PEG3: variants seen among roughly 807,000 people sequenced by gnomAD.
PEG3 encodes the protein paternally-expressed gene 3 protein.
In PEG3, 23 loss-of-function variants were observed where a neutral mutation model predicts 35.5. The observed-to-expected ratio is 0.65, with a 90% CI of 0.47 to 0.92. PEG3 has a LOEUF of 0.92. Ranked by LOEUF, PEG3 falls within the 40% of genes least tolerant of loss-of-function variation. The pLI, the probability that PEG3 is intolerant of heterozygous loss-of-function variation, is 0.00. For missense variants in PEG3, 1,960 were observed against 1,985.3 expected, an observed-to-expected ratio of 0.99 and a Z score of 0.24; for synonymous variants, 707 against 697.0, an observed-to-expected ratio of 1.01 and a Z score of -0.23.
chr19:56,816,342 G>A lies in PEG3; in HGVS notation c.2100C>T (p.Leu700=). 1 of 1,614,166 alleles carries A rather than the reference G, an allele frequency of 6.2e-7. No homozygotes were observed. The highest frequency in any genetic ancestry group is 8.5e-7 in the Non-Finnish European group (1 of 1,180,018). The change falls in exon 10 of 10, where the codon CTC becomes CTT. Residue 700 remains leucine, a synonymous_variant. Transcript: ENST00000326441. ...GAGAATGAATTTTCTGATGCTCACTGAGCTCTGAGCTTTGCATGAAGGCAT... is the reference window on the plus strand; with the variant it reads ...GAGAATGAATTTTCTGATGCTCACTAAGCTCTGAGCTTTGCATGAAGGCAT... ...GRDAFMQSSE[L]SEHQKIHSRK...
At chr19:56,833,249 A>G (rs942854314) in intron 2 of PEG3, 1 of 482,914 alleles carries the variant, frequency 2.1e-6, no homozygotes, top group Admixed American at 2.2e-5. Flanking sequence ...GTCCCTCACC[A>G]TGGTGCACCT....
chr19:56,818,469 T>G, intron 8 of PEG3, 131 bp downstream of exon 8: 1 of 996,916 alleles, frequency 1.0e-6, no homozygotes, highest in Middle Eastern at 2.9e-4. Flanking sequence ...TTGAAATCTT[T>G]CAAAGATTTC....
rs2060716340 is a variant in PEG3 at position 56,823,603 on chromosome 19, G to C, written c.471C>G (p.Val157=). The C allele has an allele frequency of 2.5e-6, 4 of 1,613,986 alleles. No homozygotes were observed. In the African/African-American group the frequency reaches 4.0e-5, roughly 16 times the overall value. The change falls in exon 5 of 10, where the codon GTC becomes GTG. Residue 157 remains valine, a synonymous_variant. Transcript: ENST00000326441. ...ATGGGTACTCACCACTGAAAGAATG[G>C]ACTGAGTGAGGTGGTGAGGACTCTC... ...NRRESSPPHS[V]HSFSDRDWDR...
rs375862400 is a variant in PEG3, at chr19:56,817,565, G to T, written c.877C>A (p.Pro293Thr). 6 of 1,591,152 alleles carry T rather than the reference G, an allele frequency of 3.8e-6. No homozygotes were observed. The East Asian group carries it at 1.3e-4, about 36-fold the overall frequency. Residue 293 changes from proline (P) to threonine (T), a missense_variant, in exon 10 of 10, where the codon CCT becomes ACT. Physicochemically the swap from Pro to Thr is conservative, Grantham distance 38. Around this residue, in one of 5 missense-constraint regions of PEG3, gnomAD observed 613 missense variants for 577.1 expected, o/e 1.06. Transcript: ENST00000326441. ...CGGTGGGTTGATTTTTTGGCTTCAG[G>T]CATAGTTTTTAGACCTGGAAAGAAA... Reference protein sequence around the residue: ...PSTSRGLKTMPEAKKSTHRRG... With the variant: ...PSTSRGLKTMTEAKKSTHRRG...
intron 8 of PEG3, among the ~76,000 whole-genome samples, chr19:56,818,345 T>C (rs1421776133): frequency 6.6e-6 from 1 of 152,176 alleles, no homozygotes; most frequent in Non-Finnish European, 1.5e-5. Flanking sequence ...GAAAAAAGTA[T>C]CAACTCTTGT....
In PEG3 at chr19:56,811,177, C is replaced by T. The variant is rs1466280274; in HGVS notation, c.*2498G>A. ...ATTATGTTCACAATGAAAATGTGAT[C>T]ATAAACTTTTTAGTAACACTACCAT... On this transcript the variant is annotated 3_prime_UTR_variant, in exon 10 of 10. Coordinates refer to ENST00000326441, the MANE Select transcript of PEG3 (RefSeq NM_006210.3). 1 of 976,442 alleles carries T rather than the reference C, an allele frequency of 1.0e-6. No individual in the cohort carries two copies. Among genetic ancestry groups the T allele is most frequent in the East Asian group, 1.1e-4 (1 of 8,770 alleles). 60.5% of individuals were successfully genotyped at this position (976,442 alleles called of 1,614,324 possible).
chr19:56,837,770 C>T (rs532830147), intron 1 of PEG3, among the ~76,000 whole-genome samples: 1 of 152,374 alleles, frequency 6.6e-6, no homozygotes, highest in African/African-American at 2.4e-5. Context: ...CCCCTCAGCC[C>T]CCTCCAACAG....
At chr19:56,838,845 C>A (rs951597705) in intron 1 of PEG3, among the ~76,000 whole-genome samples, 2 of 152,192 alleles carry the variant, frequency 1.3e-5, no homozygotes, top group African/African-American at 4.8e-5. Flanking sequence ...GCAACCGTGG[C>A]CCCGCCCCTC....
Position 56,816,587 on chromosome 19 carries a change from T to C in PEG3, c.1855A>G (p.Lys619Glu), listed in dbSNP as rs761610125. 12 of 1,613,914 alleles carry C rather than the reference T, an allele frequency of 7.4e-6. No homozygotes were observed. In the South Asian group the frequency reaches 1.3e-4, roughly 18 times the overall value. ...TACATTTTCTCTTTACCATACATTTTCTGAAACTCATTAAGGGCTGGGCTG... is the reference window on the plus strand; with the variant it reads ...TACATTTTCTCTTTACCATACATTTCCTGAAACTCATTAAGGGCTGGGCTG... The part of the protein sequence containing the change: ...RPSPALNEFQ[K>E]MYGKEKMYEC... Residue 619 changes from lysine (K) to glutamate (E), a missense_variant, in exon 10 of 10, where the codon AAA (lysine) becomes GAA (glutamate). Physicochemically the swap from Lys to Glu is moderately conservative, Grantham distance 56. Transcript: ENST00000326441.
In PEG3 at chr19:56,817,102, A is replaced by G. The variant is rs749286230; in HGVS notation, c.1340T>C (p.Phe447Ser). ...ATCACATACATATGGCATTGCCCCA[A>G]AATCAATTGGCTGTGACTCGGTAAA... ...PSFTESQPID[F>S]GAMPYVCDEC... The change falls in exon 10 of 10, where the codon TTT becomes TCT. Residue 447 changes from phenylalanine to serine, a missense_variant. Around this residue, in one of 5 missense-constraint regions of PEG3, gnomAD observed 613 missense variants for 577.1 expected, o/e 1.06. Coordinates refer to ENST00000326441, the MANE Select transcript of PEG3 (RefSeq NM_006210.3). 10 of 1,614,144 alleles carry G rather than the reference A, an allele frequency of 6.2e-6. No individual in the cohort carries two copies. The highest frequency in any genetic ancestry group is 1.7e-5 in the Admixed American group (1 of 60,020).
At chr19:56,821,594 C>T (rs1471654766) in intron 7 of PEG3, 57 bp downstream of exon 7, 16 of 1,594,982 alleles carry the variant, frequency 1.0e-5, no homozygotes, top group East Asian at 2.2e-5. Flanking sequence ...GAAAGAAAGG[C>T]GTCTCTGCCA....
At position 56,810,721 on chromosome 19, in the gene PEG3, C is replaced by T. The variant is rs2048080484; in HGVS notation, c.*2954G>A. On this transcript the variant is annotated 3_prime_UTR_variant, in exon 10 of 10. Transcript: ENST00000326441. ...ACATCTTTTCATTTAAGACTTTATG[C>T]ACACATATTTAACACTGTTATCACA... 2 of 984,008 alleles carry T rather than the reference C, an allele frequency of 2.0e-6. No individual in the cohort carries two copies. The highest frequency in any genetic ancestry group is 1.2e-4 in the Admixed American group (2 of 16,254). The allele number at this position is 984,008 out of a possible 1,614,324, so 61.0% of individuals were successfully genotyped here. A position where few individuals can be genotyped will look rare whatever the true frequency, so the allele number is the denominator to read the frequency against.
In PEG3 at chr19:56,811,850, T is replaced by C; in HGVS notation, c.*1825A>G. 4.1e-6 allele frequency: 4 copies of C among 985,564 alleles called. No individual in the cohort carries two copies. The highest frequency in any genetic ancestry group is 4.8e-6 in the Non-Finnish European group (4 of 830,070). 61.1% of individuals were successfully genotyped at this position (985,564 alleles called of 1,614,324 possible). A position where few individuals can be genotyped will look rare whatever the true frequency, so the allele number is the denominator to read the frequency against. ...TTCTCAGAAACCTGGCCTTCTACAGTTCTTGCCTCTGGTGTTTTCTTCTGT... is the reference window on the plus strand; with the variant it reads ...TTCTCAGAAACCTGGCCTTCTACAGCTCTTGCCTCTGGTGTTTTCTTCTGT... On this transcript the variant is annotated 3_prime_UTR_variant, in exon 10 of 10. Transcript: ENST00000326441.
At position 56,811,634 on chromosome 19, in the gene PEG3, CACAAAG is replaced by C; in HGVS notation, c.*2035_*2040del. 1.0e-6 allele frequency: 1 copy of C among 984,472 alleles called. No homozygotes were observed. The highest frequency in any genetic ancestry group is 4.7e-5 in the South Asian group (1 of 21,236). 61.0% of individuals were successfully genotyped at this position (984,472 alleles called of 1,614,324 possible). ...CAATGTTAACACCAAGTAATGTACC[CACAAAG>C]TTCACCCCGACATCAACACTGATTC... On this transcript the variant is annotated 3_prime_UTR_variant, in exon 10 of 10. Coordinates refer to ENST00000326441, the MANE Select transcript of PEG3 (RefSeq NM_006210.3).
chr19:56,838,796 A>G (rs1394998072), intron 1 of PEG3, among the ~76,000 whole-genome samples: 1 of 152,128 alleles, frequency 6.6e-6, no homozygotes, highest in Non-Finnish European at 1.5e-5. Context: ...GGAGCGCGGC[A>G]CTCCACAGCT....
chr19:56,833,950 C>G (rs1463960752), intron 2 of PEG3, among the ~76,000 whole-genome samples: 2 of 152,154 alleles, frequency 1.3e-5, no homozygotes, highest in Admixed American at 1.3e-4. Flanking sequence ...TAGCACTTAC[C>G]ACACTGCAGC....
chr19:56,819,173 C>T (rs2060250246), intron 7 of PEG3, among the ~76,000 whole-genome samples: 1 of 152,016 alleles, frequency 6.6e-6, no homozygotes, highest in African/African-American at 2.4e-5. Context: ...CAAACAGGCA[C>T]GGAGTACTCA....
chr19:56,814,252 G>C lies in PEG3; in HGVS notation c.4190C>G (p.Pro1397Arg). The C allele has an allele frequency of 6.2e-7, 1 of 1,613,384 alleles. No individual in the cohort carries two copies. The change falls in exon 10 of 10, where the codon CCA becomes CGA. Residue 1397 changes from proline (P) to arginine (R), a missense_variant. Around this residue, in one of 5 missense-constraint regions of PEG3, gnomAD observed 416 missense variants for 416.7 expected, o/e 1.00. Coordinates refer to ENST00000326441, the MANE Select transcript of PEG3 (RefSeq NM_006210.3). The surrounding 1 kb of genome is among the most constrained non-coding windows in gnomAD (Gnocchi z 5.8). ...IQGLNVEAAE[P>R]EVEAAEPEVE... Reference sequence around the variant, plus strand: ...TTCTGGCTCGGCAGCCTCCACTTCTGGCTCAGCAGCCTCTACGTTTAAGCC... The same window carrying C: ...TTCTGGCTCGGCAGCCTCCACTTCTCGCTCAGCAGCCTCTACGTTTAAGCC...
At chr19:56,824,840 T>C in intron 3 of PEG3, 99 bp from the exon 4 acceptor site, 3 of 590,688 alleles carry the variant, frequency 5.1e-6, no homozygotes, top group Admixed American at 3.0e-5. Context: ...TTTTGGGATA[T>C]GGGAGTCCCC....
Sources: allele counts gnomAD v4.1 joint callset (sites outside exome capture counted in the v4.1 genomes callset), GRCh38; gene constraint gnomAD v4.1.1; regional missense constraint gnomAD v4.1.1; non-coding constraint Gnocchi (gnomAD v3.1); transcripts MANE v1.5; gene names NCBI Gene and HGNC (gene_info 2026-07-23, HGNC 2026-07-21).